RHBDD1: variants seen among roughly 807,000 people sequenced by gnomAD.
The protein encoded by RHBDD1 is rhomboid domain containing 1, also known as rhomboid-related protein 4.
Under a neutral mutation model 36.3 loss-of-function variants are expected in RHBDD1, and 38 were observed. That is an observed-to-expected ratio of 1.05 (90% confidence interval 0.81 to 1.37). The LOEUF (loss-of-function observed/expected upper bound fraction) is 1.37, where lower values mean the gene tolerates loss of function less well. Among genes scored for constraint, RHBDD1 ranks in the 40% most tolerant of loss-of-function variants. The probability of loss-of-function intolerance (pLI) is 0.00; values close to 1 mark genes in which losing one functional copy is unlikely to be tolerated. For synonymous variants in RHBDD1, 151 were observed against 136.5 expected, an observed-to-expected ratio of 1.11 and a Z score of -0.74; for missense variants, 393 against 377.6, an observed-to-expected ratio of 1.04 and a Z score of -0.34.
chr2:226,949,918 T>G (rs1951302298), intron 8 of RHBDD1, among the ~76,000 whole-genome samples: 1 of 152,238 alleles, frequency 6.6e-6, no homozygotes. Context: ...TCTAATGGCC[T>G]TATTTGTAAA....
chr2:226,982,757 C>G (rs1956055931), intron 8 of RHBDD1, among the ~76,000 whole-genome samples: 1 of 152,156 alleles, frequency 6.6e-6, no homozygotes, highest in Non-Finnish European at 1.5e-5. Flanking sequence ...TTAGCTTGTT[C>G]TTTCATTCAT....
intron 8 of RHBDD1, among the ~76,000 whole-genome samples, chr2:226,987,588 C>G (rs1358190032): frequency 1.3e-5 from 2 of 152,216 alleles, no homozygotes; most frequent in Admixed American, 1.3e-4. Flanking sequence ...TCACTGGGAA[C>G]AAAACAATCA....
chr2:226,981,272 G>A (rs146632423), intron 8 of RHBDD1, among the ~76,000 whole-genome samples: 27 of 152,232 alleles, frequency 1.8e-4, no homozygotes, highest in Admixed American at 2.6e-4. Flanking sequence ...TGTAAATGCC[G>A]AGTTGATGGG....
At chr2:226,988,202 A>G in intron 8 of RHBDD1, 1 of 775,802 alleles carries the variant, frequency 1.3e-6, no homozygotes, top group Non-Finnish European at 2.0e-6. Context: ...ATTAAAACTT[A>G]CCCAAAGACA....
At chr2:226,990,658 G>T (rs1264842753) in intron 8 of RHBDD1, among the ~76,000 whole-genome samples, 2 of 152,092 alleles carry the variant, frequency 1.3e-5, no homozygotes, top group African/African-American at 2.4e-5. Context: ...AAATGCAGAG[G>T]CTACTGCATT....
chr2:226,820,948 C>T, the RHBDD1 span, among the ~76,000 whole-genome samples: 1 of 152,154 alleles, frequency 6.6e-6, no homozygotes, highest in African/African-American at 2.4e-5. Flanking sequence ...GGAAGATGAG[C>T]AAACAGCATC....
intron 8 of RHBDD1, among the ~76,000 whole-genome samples, chr2:226,948,210 A>G (rs1434326388): frequency 1.4e-5 from 2 of 147,288 alleles, no homozygotes; most frequent in African/African-American, 5.1e-5. Flanking sequence ...AATGTGGCAC[A>G]TATACACCAT....
chr2:226,946,802 G>C (rs187796124), intron 8 of RHBDD1, among the ~76,000 whole-genome samples: 1 of 152,110 alleles, frequency 6.6e-6, no homozygotes, highest in Non-Finnish European at 1.5e-5. Flanking sequence ...GGAAGAAGTC[G>C]AATCCCTGAA....
chr2:226,842,645 G>A (rs79092629), intron 3 of RHBDD1, among the ~76,000 whole-genome samples: 2 of 152,030 alleles, frequency 1.3e-5, no homozygotes, highest in Non-Finnish European at 2.9e-5. Context: ...ATCTGTCTAT[G>A]TATCTGTTCT....
At chr2:226,884,607 A>C (rs1040496651) in intron 5 of RHBDD1, among the ~76,000 whole-genome samples, 1 of 152,300 alleles carries the variant, frequency 6.6e-6, no homozygotes, top group Non-Finnish European at 1.5e-5. Context: ...ATATTGCCAT[A>C]GTTTCTGGAT....
intron 8 of RHBDD1, among the ~76,000 whole-genome samples, chr2:226,992,191 G>T (rs1449591590): frequency 6.6e-6 from 1 of 152,228 alleles, no homozygotes; most frequent in Admixed American, 6.5e-5. Flanking sequence ...AGAAGACAGA[G>T]TGTACCTGAG....
chr2:226,994,641 C>T (rs1959009164), intron 8 of RHBDD1, among the ~76,000 whole-genome samples: 1 of 152,136 alleles, frequency 6.6e-6, no homozygotes, highest in Admixed American at 6.5e-5. Flanking sequence ...TCCTGGTTTC[C>T]TCATGGGGAA....
intron 5 of RHBDD1, among the ~76,000 whole-genome samples, chr2:226,870,965 AAC>A (rs1383591394): frequency 7.2e-5 from 11 of 152,156 alleles, no homozygotes. Flanking sequence ...GCATAGTTCA[AAC>A]CCATGTTGTT....
intron 8 of RHBDD1, among the ~76,000 whole-genome samples, chr2:226,968,201 CAGAGGGGAT>C (rs1952792979): frequency 6.6e-6 from 1 of 152,090 alleles, no homozygotes; most frequent in Non-Finnish European, 1.5e-5. Flanking sequence ...TGGAAGAACC[CAGAGGGGAT>C]ATTACCTGGT....
At chr2:226,848,652 C>T (rs1465762093) in intron 3 of RHBDD1, among the ~76,000 whole-genome samples, 1 of 152,180 alleles carries the variant, frequency 6.6e-6, no homozygotes, top group African/African-American at 2.4e-5. Context: ...CCACTAAAGA[C>T]AGTAACCAGT....
chr2:226,898,456 T>C (rs144521352), intron 5 of RHBDD1, among the ~76,000 whole-genome samples: 5 of 152,234 alleles, frequency 3.3e-5, no homozygotes, highest in Non-Finnish European at 5.9e-5. Context: ...TCATCATGGA[T>C]TGTAGAGGGT....
At chr2:226,813,422 G>A in the RHBDD1 span, among the ~76,000 whole-genome samples, 2 of 152,180 alleles carry the variant, frequency 1.3e-5, no homozygotes, top group Admixed American at 1.3e-4. Context: ...TTGGGGGATG[G>A]CATTATAAGA....
chr2:226,972,938 AAAAAAAAC>A (rs1953850845), intron 8 of RHBDD1, among the ~76,000 whole-genome samples: 1 of 151,772 alleles, frequency 6.6e-6, no homozygotes, highest in African/African-American at 2.4e-5. Context: ...GCAAAAAAAA[AAAAAAAAC>A]AAAAAACCAT....
In RHBDD1 at chr2:226,892,100, C is replaced by G. The variant is rs1024001630; in HGVS notation, c.567-14693C>G. On this transcript the variant is annotated intron_variant, in intron 5 of 8. Transcript: ENST00000392062. ...GTGACTTTTGTTCACAAATGTTCAG[C>G]CTAGCAGCTTGTATTGCATAAGCAG... is the stretch of plus-strand genomic sequence containing the variant. 5.9e-5 allele frequency among the ~76,000 whole-genome samples: 9 copies of G among 152,258 alleles called. No homozygotes were observed. In the South Asian group the frequency reaches 1.9e-3, roughly 32 times the overall value.
Sources: allele counts gnomAD v4.1 joint callset (sites outside exome capture counted in the v4.1 genomes callset), GRCh38; gene constraint gnomAD v4.1.1; transcripts MANE v1.5; gene names NCBI Gene and HGNC (gene_info 2026-07-23, HGNC 2026-07-21).